The following KCND2 variants were observed in gnomAD, a reference collection of about 807,000 sequenced individuals.
KCND2 encodes potassium voltage-gated channel subfamily D member 2, also known as A-type voltage-gated potassium channel KCND2.
Under a neutral mutation model 54.4 loss-of-function variants are expected in KCND2, and 16 were observed. The ratio of observed to expected loss-of-function variants is 0.29; its 90% CI spans 0.20 to 0.45. The LOEUF is 0.45. Ranked by LOEUF, KCND2 falls within the 20% of genes least tolerant of loss-of-function variation. KCND2 has a pLI of 1.00. For missense variants in KCND2, 486 were observed against 824.2 expected, an observed-to-expected ratio of 0.59 and a Z score of 5.02; for synonymous variants, 317 against 310.7, an observed-to-expected ratio of 1.02 and a Z score of -0.21.
intron 1 of KCND2, among the ~76,000 whole-genome samples, chr7:120,361,843 A>G (rs1365692672): frequency 6.6e-6 from 1 of 152,114 alleles, no homozygotes; most frequent in Non-Finnish European, 1.5e-5. Flanking sequence ...TTGTAAAGCT[A>G]AATATTTAAT....
At chr7:120,707,999 G>A (rs973954135) in intron 1 of KCND2, among the ~76,000 whole-genome samples, 1 of 151,786 alleles carries the variant, frequency 6.6e-6, no homozygotes, top group Non-Finnish European at 1.5e-5. Flanking sequence ...GGTTTTTTCA[G>A]GTAAAAAAGG....
chr7:120,292,170 T>C (rs1799444161), intron 1 of KCND2, among the ~76,000 whole-genome samples: 3 of 151,916 alleles, frequency 2.0e-5, no homozygotes, highest in Admixed American at 6.6e-5. Flanking sequence ...AAATCTGTCA[T>C]TTTGTAGATA....
intron 1 of KCND2, among the ~76,000 whole-genome samples, chr7:120,324,069 CTG>C (rs1799934393): frequency 6.7e-6 from 1 of 148,336 alleles, no homozygotes; most frequent in South Asian, 2.1e-4. Flanking sequence ...GCATTTTTTC[CTG>C]TGTTTTTTGG....
chr7:120,289,936 CTCACATTG>C (rs1799409390), intron 1 of KCND2, among the ~76,000 whole-genome samples: 1 of 152,070 alleles, frequency 6.6e-6, no homozygotes, highest in Non-Finnish European at 1.5e-5. Flanking sequence ...AGTTTCGAAG[CTCACATTG>C]TGTTTTTGCT....
At chr7:120,633,041 G>C (rs1475723160) in intron 1 of KCND2, among the ~76,000 whole-genome samples, 1 of 152,178 alleles carries the variant, frequency 6.6e-6, no homozygotes, top group East Asian at 1.9e-4. Context: ...TTACAGGCTT[G>C]ATCAACCATT....
intron 1 of KCND2, among the ~76,000 whole-genome samples, chr7:120,279,739 G>A (rs184802413): frequency 6.0e-4 from 91 of 151,896 alleles, no homozygotes; most frequent in African/African-American, 2.1e-3. Flanking sequence ...TTTTCATAGC[G>A]ATGTATCAGG....
At chr7:120,663,522 G>A (rs960300927) in intron 1 of KCND2, among the ~76,000 whole-genome samples, 33 of 152,058 alleles carry the variant, frequency 2.2e-4, no homozygotes, top group African/African-American at 7.7e-4. Context: ...TTTAATTATA[G>A]GATAGATATA....
intron 1 of KCND2, among the ~76,000 whole-genome samples, chr7:120,579,751 G>A (rs1430538021): frequency 6.6e-6 from 1 of 150,930 alleles, no homozygotes; most frequent in Non-Finnish European, 1.5e-5. Flanking sequence ...AAGGACCTTG[G>A]AATCAAGATC....
At chr7:120,602,813 A>G (rs963266953) in intron 1 of KCND2, among the ~76,000 whole-genome samples, 1 of 152,172 alleles carries the variant, frequency 6.6e-6, no homozygotes, top group African/African-American at 2.4e-5. Context: ...CATATTCTTG[A>G]AATAAAGTAG....
intron 1 of KCND2, among the ~76,000 whole-genome samples, chr7:120,581,973 C>T (rs1184322599): frequency 3.9e-5 from 6 of 152,074 alleles, no homozygotes; most frequent in East Asian, 3.9e-4. Flanking sequence ...CTCAGCCTCC[C>T]GAAGTGCTGG....
intron 1 of KCND2, among the ~76,000 whole-genome samples, chr7:120,555,506 A>T (rs1792152913): frequency 6.6e-6 from 1 of 152,160 alleles, no homozygotes; most frequent in African/African-American, 2.4e-5. Context: ...AAAGCTTTCT[A>T]CTTCTTGAAA....
chr7:120,512,707 A>AT (rs1181417241), intron 1 of KCND2, among the ~76,000 whole-genome samples: 10 of 151,536 alleles, frequency 6.6e-5, no homozygotes, highest in South Asian at 2.1e-4. Flanking sequence ...TTAGTGAGGG[A>AT]TTTTTTCTCC....
chr7:120,574,631 T>C (rs571037291), intron 1 of KCND2, among the ~76,000 whole-genome samples: 11 of 152,270 alleles, frequency 7.2e-5, no homozygotes, highest in Non-Finnish European at 1.3e-4. Flanking sequence ...AGTGTCTGAA[T>C]CTTACTCTCA....
Position 120,357,017 on chromosome 7 carries a change from T to G in KCND2, c.1115+81270T>G, listed in dbSNP as rs1214373157. Among the ~76,000 whole-genome samples, 4 of 152,236 alleles carry G rather than the reference T, an allele frequency of 2.6e-5. No individual in the cohort carries two copies. The East Asian group carries it at 7.7e-4, about 29-fold the overall frequency. ...GCTTTGCAATCCTTTTGTTTTCCCA[T>G]AGTAAGCTCTTTATTTTCCCATCCT... is the stretch of plus-strand genomic sequence containing the variant. On this transcript the variant is annotated intron_variant, in intron 1 of 5. Transcript: ENST00000331113.
intron 1 of KCND2, among the ~76,000 whole-genome samples, chr7:120,312,508 G>A (rs578087123): frequency 6.6e-6 from 1 of 152,272 alleles, no homozygotes; most frequent in East Asian, 1.9e-4. Flanking sequence ...CTGAGTTCAT[G>A]CAGCTAGCGA....
chr7:120,397,005 C>T (rs142803067), intron 1 of KCND2, among the ~76,000 whole-genome samples: 412 of 152,012 alleles, frequency 2.7e-3, no homozygotes, highest in Non-Finnish European at 4.0e-3. Flanking sequence ...TTAATCTTCC[C>T]AAGTTGTTCC....
At chr7:120,698,949 G>T (rs1010604829) in intron 1 of KCND2, among the ~76,000 whole-genome samples, 4 of 152,122 alleles carry the variant, frequency 2.6e-5, no homozygotes, top group Admixed American at 2.6e-4. Context: ...CAGGAGACTT[G>T]TTGAGATGGG....
chr7:120,447,790 T>C (rs1279896460), intron 1 of KCND2, among the ~76,000 whole-genome samples: 1 of 152,176 alleles, frequency 6.6e-6, no homozygotes, highest in South Asian at 2.1e-4. Context: ...TTCTTTTGGG[T>C]TTCCAAATGG....
chr7:120,626,937 T>G (rs189276942), intron 1 of KCND2, among the ~76,000 whole-genome samples: 199 of 152,330 alleles, frequency 1.3e-3, no homozygotes, highest in Non-Finnish European at 2.3e-3. Flanking sequence ...GATCCCTAAG[T>G]TCCTTTCCAT....
Sources: allele counts gnomAD v4.1 joint callset (sites outside exome capture counted in the v4.1 genomes callset), GRCh38; gene constraint gnomAD v4.1.1; transcripts MANE v1.5; gene names NCBI Gene and HGNC (gene_info 2026-07-23, HGNC 2026-07-21).